GIGYF1: variants seen among roughly 807,000 people sequenced by gnomAD.
The protein encoded by GIGYF1 is GRB10 interacting GYF protein 1.
A neutral mutation model predicts 147.1 loss-of-function variants in GIGYF1; 84 were observed. That is an observed-to-expected ratio of 0.57 (90% CI 0.48 to 0.68). The LOEUF is 0.68. GIGYF1 is among the 30% of genes least tolerant of loss of function. GIGYF1 has a pLI of 0.00. For missense variants in GIGYF1, 1,485 were observed against 1,393.7 expected, an observed-to-expected ratio of 1.07 and a Z score of -1.04; for synonymous variants, 752 against 589.5, an observed-to-expected ratio of 1.28 and a Z score of -3.99.
In GIGYF1 at chr7:100,687,010, A is replaced by T. The variant is rs781543456; in HGVS notation, c.519T>A (p.Asp173Glu). 1 of 1,613,668 alleles carries T rather than the reference A, an allele frequency of 6.2e-7. No homozygotes were observed. Among genetic ancestry groups the T allele is most frequent in the Non-Finnish European group, 8.5e-7 (1 of 1,179,952 alleles). ...CCGCCCTCAGCAGCCTCGTACCTCC[A>T]TCCCGCCTTGCTGACTTCTCAAACC... Reference protein sequence around the residue: ...ERRFEKSARRDGARCGFEEGG... With the variant: ...ERRFEKSARREGARCGFEEGG... The change falls in exon 9 of 27, where the codon GAT becomes GAA. Residue 173 changes from aspartate to glutamate, a missense_variant. By Grantham distance (45) the Asp-to-Glu change is conservative (BLOSUM62 2). Transcript: ENST00000678049.
intron 12 of GIGYF1, 111 bp downstream of exon 12, chr7:100,685,863 A>G: frequency 1.2e-6 from 1 of 847,818 alleles, no homozygotes; most frequent in Non-Finnish European, 1.9e-6. Context: ...CTTCTTCCAG[A>G]TCTAAGTAGC....
rs1444221425 is a variant in GIGYF1, at chr7:100,688,322, G to A, written c.-69-15C>T. On this transcript the variant is annotated splice_polypyrimidine_tract_variant and intron_variant, in intron 3 of 26. Transcript: ENST00000678049. ...TGTCCAAACACCTGTGGGGGAACAG[G>A]GGCCATGAAGAACAGCACACGAAGG... 9.7e-6 allele frequency: 11 copies of A among 1,136,420 alleles called. No individual in the cohort carries two copies. The highest frequency in any genetic ancestry group is 7.5e-5 in the African/African-American group (5 of 66,290). 70.4% of individuals were successfully genotyped at this position (1,136,420 alleles called of 1,614,324 possible). A position where few individuals can be genotyped will look rare whatever the true frequency, so the allele number is the denominator to read the frequency against.
At position 100,681,971 on chromosome 7, in the gene GIGYF1, G is replaced by C; in HGVS notation, c.2948C>G (p.Ser983Trp). The change falls in exon 26 of 27, where the codon TCG (serine) becomes TGG (tryptophan). Residue 983 changes from serine to tryptophan, a missense_variant. By Grantham distance (177) the Ser-to-Trp change is radical (BLOSUM62 -3). Transcript: ENST00000678049. ...QQQEAWLSSA[S>W]LQTAFQANHS... ...GTTGGCCTGGAAGGCCGTCTGCAGC[G>C]AGGCGCTGCTCAGCCATGCCTCCTA... is the stretch of plus-strand genomic sequence containing the variant. 5 of 1,608,960 alleles carry C rather than the reference G, an allele frequency of 3.1e-6. No homozygotes were observed. Among genetic ancestry groups the C allele is most frequent in the Non-Finnish European group, 4.2e-6 (5 of 1,179,920 alleles).
rs776464124 is a variant in GIGYF1, at chr7:100,687,531, C to T, written c.347G>A (p.Arg116Gln). The T allele has an allele frequency of 5.0e-6, 8 of 1,612,096 alleles. No homozygotes were observed. The highest frequency in any genetic ancestry group is 3.3e-5 in the Admixed American group (2 of 59,954). The change falls in exon 7 of 27, where the codon CGA becomes CAA. Residue 116 changes from arginine to glutamine, a missense_variant. Arg to Gln is a conservative substitution (Grantham distance 43). Coordinates refer to ENST00000678049, the MANE Select transcript of GIGYF1 (RefSeq NM_001375765.1). ...GAGPPLAGTS[R>Q]GRGSTRSRGR... ...TCGGCTCCGCGTGCTGCCCCTGCCT[C>T]GGGAGGTGCCAGCCAGGGGGGGGCC...
chr7:100,685,944 C>A lies in GIGYF1; in HGVS notation c.1054+30G>T. 2 of 1,587,812 alleles carry A rather than the reference C, an allele frequency of 1.3e-6. 1 individual carries two copies. The highest frequency in any genetic ancestry group is 2.2e-5 in the South Asian group (2 of 90,344). Reference sequence around the variant, plus strand: ...AACACCAGTGCCTGCCCGGCCCAGCCCCAGGCCCGCTGGGCACCCCGCGGC... The same window carrying A: ...AACACCAGTGCCTGCCCGGCCCAGCACCAGGCCCGCTGGGCACCCCGCGGC... On this transcript the variant is annotated intron_variant, in intron 12 of 26. Transcript: ENST00000678049.
In GIGYF1 at chr7:100,688,768, G is replaced by A. The variant is rs528470007; in HGVS notation, c.-311C>T. 1.7e-3 allele frequency: 491 copies of A among 295,852 alleles called. 1 individual carries two copies. Among genetic ancestry groups the A allele is most frequent in the Non-Finnish European group, 8.1e-4 (118 of 145,868 alleles). The allele number at this position is 295,852 out of a possible 1,614,324, so 18.3% of individuals were successfully genotyped here. Reference sequence around the variant, plus strand: ...GGAGGGTTCAGGACATGGCTCTGCCGGCAGCCCTGCCCTGCCCCGCATGAC... The same window carrying A: ...GGAGGGTTCAGGACATGGCTCTGCCAGCAGCCCTGCCCTGCCCCGCATGAC... On this transcript the variant is annotated 5_prime_UTR_variant, in exon 2 of 27. Coordinates refer to ENST00000678049, the MANE Select transcript of GIGYF1 (RefSeq NM_001375765.1).
Position 100,685,984 on chromosome 7 carries a change from C to G in GIGYF1, c.1044G>C (p.Gly348=). 7 of 1,612,072 alleles carry G rather than the reference C, an allele frequency of 4.3e-6. No homozygotes were observed. Among genetic ancestry groups the G allele is most frequent in the Non-Finnish European group, 5.9e-6 (7 of 1,179,822 alleles). The change falls in exon 12 of 27, where the codon GGG becomes GGC. Residue 348 remains glycine (G), a synonymous_variant. Coordinates refer to ENST00000678049, the MANE Select transcript of GIGYF1 (RefSeq NM_001375765.1). ...CACCCCGCGGCTCACCTGCCTCAGG[C>G]CCTTCCTCCTCTAGCCCTTCGGAAG... ...EEPSEGLEEE[G]PEAGGKELTP...
intron 21 of GIGYF1, 34 bp from the exon 22 acceptor site, chr7:100,683,264 G>A: frequency 6.2e-7 from 1 of 1,613,400 alleles, no homozygotes. Flanking sequence ...GACCTGGCGA[G>A]GGTTGTCCAC....
chr7:100,682,742 C>G lies in GIGYF1; in HGVS notation c.2448G>C (p.Gln816His), dbSNP rs1034345262. 2 of 1,552,394 alleles carry G rather than the reference C, an allele frequency of 1.3e-6. No homozygotes were observed. The highest frequency in any genetic ancestry group is 1.7e-6 in the Non-Finnish European group (2 of 1,150,862). ...LGGLGTAPLN[Q>H]WVSEAGPLWG... ...ACAGTGGCCCAGCCTCAGACACCCACTGGTTCAGGGGGGCAGTGCCCAGGC... is the reference window on the plus strand; with the variant it reads ...ACAGTGGCCCAGCCTCAGACACCCAGTGGTTCAGGGGGGCAGTGCCCAGGC... The change falls in exon 23 of 27, where the codon CAG becomes CAC. Residue 816 changes from glutamine (Q) to histidine (H), a missense_variant. By Grantham distance (24) the Gln-to-His change is conservative (BLOSUM62 0). Transcript: ENST00000678049.
At chr7:100,689,663 G>A (rs914704591) in intron 1 of GIGYF1, 108 bp from the exon 2 acceptor site, 3 of 152,302 alleles carry the variant, frequency 2.0e-5, no homozygotes, top group Non-Finnish European at 4.4e-5. Flanking sequence ...CAGAGTCCAG[G>A]CACTCCAGGG....
At chr7:100,691,922 A>C (rs563751516) in intron 1 of GIGYF1, among the ~76,000 whole-genome samples, 1 of 152,408 alleles carries the variant, frequency 6.6e-6, no homozygotes, top group African/African-American at 2.4e-5. Context: ...TCTGGGGCTC[A>C]GAACTCAAGA....
In GIGYF1 at chr7:100,684,813, G is replaced by A. The variant is rs1805158640; in HGVS notation, c.1372C>T (p.Leu458=). ...GCAGTGGCGGCTGCAGAGTGGCGCA[G>A]GCCCTGGGTCTGCATGGCAGCCGTG... ...QFTAAMQTQG[L]RHSAAATALP... is the part of the protein sequence containing the mutation. Residue 458 remains leucine (L), a synonymous_variant, in exon 15 of 27, where the codon CTG becomes TTG. Transcript: ENST00000678049. 1.2e-6 allele frequency: 2 copies of A among 1,610,524 alleles called. No homozygotes were observed. Among genetic ancestry groups the A allele is most frequent in the Non-Finnish European group, 1.7e-6 (2 of 1,178,622 alleles).
chr7:100,687,054 A>G lies in GIGYF1; in HGVS notation c.483-8T>C. On this transcript the variant is annotated splice_region_variant and splice_polypyrimidine_tract_variant and intron_variant, in intron 8 of 26. Coordinates refer to ENST00000678049, the MANE Select transcript of GIGYF1 (RefSeq NM_001375765.1). ...TCAAACCGCCTCTCGCCTCTGCAGCAGGGGAAACGTGTGGGTCAGAAACAG... is the reference window on the plus strand; with the variant it reads ...TCAAACCGCCTCTCGCCTCTGCAGCGGGGGAAACGTGTGGGTCAGAAACAG... The G allele has an allele frequency of 6.2e-7, 1 of 1,613,834 alleles. No individual in the cohort carries two copies. Among genetic ancestry groups the G allele is most frequent in the Middle Eastern group, 1.6e-4 (1 of 6,062 alleles).
At chr7:100,682,915 C>T in intron 22 of GIGYF1, 97 bp downstream of exon 22, 1 of 1,267,808 alleles carries the variant, frequency 7.9e-7, no homozygotes, top group Non-Finnish European at 1.1e-6. Context: ...GAGGCTGGGA[C>T]TGGGGCTGGG....
At position 100,687,802 on chromosome 7, in the gene GIGYF1, T is replaced by C. The variant is rs1562883337; in HGVS notation, c.247A>G (p.Thr83Ala). 6.2e-7 allele frequency: 1 copy of C among 1,612,494 alleles called. No homozygotes were observed. The highest frequency in any genetic ancestry group is 8.5e-7 in the Non-Finnish European group (1 of 1,179,896). Residue 83 changes from threonine to alanine, a missense_variant, in exon 6 of 27, where the codon ACT (threonine) becomes GCT (alanine). Thr to Ala is a moderately conservative substitution (Grantham distance 58). Coordinates refer to ENST00000678049, the MANE Select transcript of GIGYF1 (RefSeq NM_001375765.1). ...CCCGGTCCCACCTGTTCCTCCTCAG[T>C]CAGCGGCTCCAGAGCCAGGGGCTGC... ...PLQPLALEPL[T>A]EEEQRNFSLS...
At chr7:100,693,976 C>T (rs1465122378) in intron 1 of GIGYF1, 134 bp downstream of exon 1, 1 of 149,936 alleles carries the variant, frequency 6.7e-6, no homozygotes, top group Non-Finnish European at 1.5e-5. Context: ...GGGGAGGGTC[C>T]TCGCTGGCGG....
rs774978809 is a variant in GIGYF1 at position 100,686,598 on chromosome 7, C to T, written c.694+51G>A. ...GCTACAGGAGCCCACCCTCTCATTACAGTTCCTGCTCCCCACTGCCCCCGC... is the reference window on the plus strand; with the variant it reads ...GCTACAGGAGCCCACCCTCTCATTATAGTTCCTGCTCCCCACTGCCCCCGC... On this transcript the variant is annotated intron_variant, in intron 10 of 26. Transcript: ENST00000678049. 53 of 1,561,822 alleles carry T rather than the reference C, an allele frequency of 3.4e-5. No homozygotes were observed. The East Asian group carries it at 3.8e-4, about 11-fold the overall frequency.
At position 100,687,002 on chromosome 7, in the gene GIGYF1, G is replaced by T; in HGVS notation, c.523+4C>A. ...CCCGGCCGCCGCCCTCAGCAGCCTC[G>T]TACCTCCATCCCGCCTTGCTGACTT... On this transcript the variant is annotated splice_donor_region_variant and intron_variant, in intron 9 of 26. Coordinates refer to ENST00000678049, the MANE Select transcript of GIGYF1 (RefSeq NM_001375765.1). 1 of 1,613,860 alleles carries T rather than the reference G, an allele frequency of 6.2e-7. No individual in the cohort carries two copies. Among genetic ancestry groups the T allele is most frequent in the Non-Finnish European group, 8.5e-7 (1 of 1,179,974 alleles).
rs368316747 is a variant in GIGYF1 at position 100,684,519 on chromosome 7, C to A, written c.1560G>T (p.Pro520=). 1 of 1,613,836 alleles carries A rather than the reference C, an allele frequency of 6.2e-7. No homozygotes were observed. The highest frequency in any genetic ancestry group is 1.7e-5 in the Admixed American group (1 of 60,004). Residue 520 remains proline, a synonymous_variant, in exon 16 of 27, where the codon CCG becomes CCT. Transcript: ENST00000678049. The part of the protein sequence containing the change: ...VKRGCDEGFQ[P]LGEVIKMWGR... ...CCCACATCTTGATCACCTCGCCCAG[C>A]GGCTGGAAGCCCTCATCGCAGCCCC...
Sources: gnomAD v4.1 joint callset for allele counts (sites outside exome capture counted in the v4.1 genomes callset) on GRCh38, gnomAD v4.1.1 for gene constraint, MANE v1.5 for transcripts, NCBI Gene and HGNC (gene_info 2026-07-23, HGNC 2026-07-21) for gene names.